The following ST7 variants were observed in gnomAD, a reference collection of about 807,000 sequenced individuals.
The protein encoded by ST7 is suppression of tumorigenicity 7.
ST7 carries 28 observed loss-of-function variants against 78.7 expected under a neutral mutation model. That is an observed-to-expected ratio of 0.36 (90% CI 0.26 to 0.49). The LOEUF (loss-of-function observed/expected upper bound fraction) is 0.49, where lower values mean the gene tolerates loss of function less well. Ranked by LOEUF, ST7 falls within the 20% of genes least tolerant of loss-of-function variation. ST7 has a pLI of 0.99. For synonymous variants in ST7, 247 were observed against 249.6 expected, an observed-to-expected ratio of 0.99 and a Z score of 0.10; for missense variants, 418 against 696.0, an observed-to-expected ratio of 0.60 and a Z score of 4.49.
chr7:117,099,234 A>G (rs1461348000), intron 1 of ST7, among the ~76,000 whole-genome samples: 1 of 152,066 alleles, frequency 6.6e-6, no homozygotes, highest in Non-Finnish European at 1.5e-5. Flanking sequence ...AACCACAATT[A>G]CTTTTGCACC....
intron 1 of ST7, among the ~76,000 whole-genome samples, chr7:116,971,522 AAAAT>A (rs1793419701): frequency 6.6e-6 from 1 of 152,192 alleles, no homozygotes; most frequent in Non-Finnish European, 1.5e-5. Context: ...AATGAAAAAA[AAAAT>A]AAGAAAAAAG....
At chr7:117,212,599 T>C (rs1156821393) in intron 13 of ST7, among the ~76,000 whole-genome samples, 18 of 152,182 alleles carry the variant, frequency 1.2e-4, no homozygotes, top group Admixed American at 1.2e-3. Context: ...ACCAATTTTA[T>C]AAAATAAATA....
At chr7:117,113,996 A>G (rs1802645115) in intron 2 of ST7, among the ~76,000 whole-genome samples, 1 of 152,164 alleles carries the variant, frequency 6.6e-6, no homozygotes, top group Non-Finnish European at 1.5e-5. Flanking sequence ...GGGATGGACC[A>G]TTGGCTGTTG....
At chr7:117,066,194 C>G (rs1349752885) in intron 1 of ST7, among the ~76,000 whole-genome samples, 1 of 152,226 alleles carries the variant, frequency 6.6e-6, no homozygotes, top group African/African-American at 2.4e-5. Flanking sequence ...GTGTGCCAAT[C>G]ACCTGCCTTT....
intron 12 of ST7, among the ~76,000 whole-genome samples, chr7:117,207,205 C>T (rs1400755972): frequency 9.3e-5 from 14 of 151,190 alleles, no homozygotes; most frequent in East Asian, 1.9e-4. Context: ...AGTGCAGTGG[C>T]GCTATCTTGG....
chr7:117,034,980 T>C (rs1796802353), intron 1 of ST7, among the ~76,000 whole-genome samples: 1 of 152,182 alleles, frequency 6.6e-6, no homozygotes, highest in Non-Finnish European at 1.5e-5. Context: ...GGAAACAGCA[T>C]TGCTACCCTC....
intron 1 of ST7, among the ~76,000 whole-genome samples, chr7:117,070,709 T>G (rs948452997): frequency 5.9e-5 from 9 of 151,682 alleles, no homozygotes; most frequent in Non-Finnish European, 1.2e-4. Flanking sequence ...CCCTGCTAAT[T>G]TCTTTTTGTA....
intron 1 of ST7, among the ~76,000 whole-genome samples, chr7:117,019,312 T>G (rs1231519409): frequency 6.6e-6 from 1 of 152,256 alleles, no homozygotes; most frequent in Non-Finnish European, 1.5e-5. Flanking sequence ...TAATGAAAGT[T>G]CATATGCTTC....
intron 9 of ST7, among the ~76,000 whole-genome samples, chr7:117,154,342 G>A (rs1206400783): frequency 6.6e-6 from 1 of 152,208 alleles, no homozygotes; most frequent in East Asian, 1.9e-4. Flanking sequence ...CCAGCCTCCA[G>A]AACTGTGAGA....
intron 1 of ST7, among the ~76,000 whole-genome samples, chr7:117,021,329 G>A (rs1024902627): frequency 2.0e-5 from 3 of 152,202 alleles, no homozygotes; most frequent in African/African-American, 7.2e-5. Context: ...ACCAAACTAT[G>A]TGAGGATTAT....
chr7:117,152,475 T>C (rs2117164778), intron 9 of ST7, among the ~76,000 whole-genome samples: 2 of 152,130 alleles, frequency 1.3e-5, no homozygotes, highest in South Asian at 4.2e-4. Context: ...GGCTTAATCA[T>C]GTCCCACTTA....
chr7:117,036,743 T>A (rs1057029128), intron 1 of ST7, among the ~76,000 whole-genome samples: 2 of 152,162 alleles, frequency 1.3e-5, no homozygotes, highest in Non-Finnish European at 2.9e-5. Context: ...TATGATATCA[T>A]ATACTTTTGG....
chr7:117,077,612 A>G (rs1456007071), intron 1 of ST7, among the ~76,000 whole-genome samples: 1 of 152,184 alleles, frequency 6.6e-6, no homozygotes, highest in African/African-American at 2.4e-5. Flanking sequence ...ATTGTGTTAA[A>G]TAGGTGTTAT....
intron 1 of ST7, among the ~76,000 whole-genome samples, chr7:117,017,539 T>C (rs1265447733): frequency 6.6e-6 from 1 of 152,164 alleles, no homozygotes; most frequent in African/African-American, 2.4e-5. Context: ...GTCTTTACTG[T>C]GAAGGAAGGG....
intron 1 of ST7, among the ~76,000 whole-genome samples, chr7:117,018,255 C>G (rs551376995): frequency 6.6e-6 from 1 of 152,284 alleles, no homozygotes; most frequent in South Asian, 2.1e-4. Context: ...GTGACAACAT[C>G]TCATATGCAA....
At chr7:117,125,885 G>C (rs571391775) in intron 3 of ST7, among the ~76,000 whole-genome samples, 1 of 152,126 alleles carries the variant, frequency 6.6e-6, no homozygotes, top group East Asian at 1.9e-4. Flanking sequence ...GGGTTTAACA[G>C]GTTTGTTGCA....
intron 1 of ST7, among the ~76,000 whole-genome samples, chr7:117,021,183 G>A (rs897233307): frequency 1.3e-5 from 2 of 152,050 alleles, no homozygotes; most frequent in Admixed American, 6.5e-5. Flanking sequence ...ATGCTGGCTA[G>A]CATCACAGTC....
chr7:117,098,114 C>T (rs1457727321), intron 1 of ST7, among the ~76,000 whole-genome samples: 2 of 150,952 alleles, frequency 1.3e-5, no homozygotes, highest in Non-Finnish European at 2.9e-5. Flanking sequence ...TGAAATACCA[C>T]AGGTCAAACA....
chr7:116,987,532 C>T (rs1465328627), intron 1 of ST7, among the ~76,000 whole-genome samples: 1 of 152,242 alleles, frequency 6.6e-6, no homozygotes, highest in East Asian at 1.9e-4. Context: ...GAACTTCAGA[C>T]ATACTGATTT....
Sources: allele counts gnomAD v4.1 joint callset (sites outside exome capture counted in the v4.1 genomes callset), GRCh38; gene constraint gnomAD v4.1.1; transcripts MANE v1.5; gene names NCBI Gene and HGNC (gene_info 2026-07-23, HGNC 2026-07-21).